The following TRPS1 variants were observed in gnomAD, a reference collection of about 807,000 sequenced individuals.
The protein encoded by TRPS1 is transcriptional repressor GATA binding 1, also known as zinc finger transcription factor Trps1.
TRPS1 carries 6 observed loss-of-function variants against 101.2 expected under a neutral mutation model. The ratio of observed to expected loss-of-function variants is 0.06; its 90% CI spans 0.03 to 0.12. TRPS1 has a LOEUF of 0.12. Among genes scored for constraint, TRPS1 ranks in the 10% least tolerant of loss-of-function variants. The pLI, the probability that TRPS1 is intolerant of heterozygous loss-of-function variation, is 1.00. For missense variants in TRPS1, 1,363 were observed against 1,567.0 expected (o/e 0.87, Z 2.20); for synonymous variants, 578 against 589.8 (o/e 0.98, Z 0.29).
intron 5 of TRPS1, among the ~76,000 whole-genome samples, chr8:115,442,671 G>A (rs747753627): frequency 1.3e-5 from 2 of 151,822 alleles, no homozygotes; most frequent in Non-Finnish European, 2.9e-5. Flanking sequence ...TTTAAAAATT[G>A]GGTGATTTGA....
intron 5 of TRPS1, among the ~76,000 whole-genome samples, chr8:115,539,418 C>A (rs1185631211): frequency 2.0e-5 from 3 of 152,116 alleles, no homozygotes; most frequent in African/African-American, 7.2e-5. Context: ...CATCCTCTAC[C>A]CAGTTCCTGA....
chr8:115,647,934 G>C (rs1226720561), intron 1 of TRPS1, among the ~76,000 whole-genome samples: 1 of 151,656 alleles, frequency 6.6e-6, no homozygotes, highest in Non-Finnish European at 1.5e-5. Context: ...CTTTTTGATA[G>C]CCAGAGATTT....
intron 5 of TRPS1, among the ~76,000 whole-genome samples, chr8:115,509,952 CA>C (rs1315578374): frequency 6.6e-6 from 1 of 151,978 alleles, no homozygotes; most frequent in Non-Finnish European, 1.5e-5. Context: ...GCCAATATTG[CA>C]GTAGGATTAA....
intron 4 of TRPS1, among the ~76,000 whole-genome samples, chr8:115,597,844 G>A (rs1430067874): frequency 2.6e-5 from 4 of 152,054 alleles, no homozygotes; most frequent in Non-Finnish European, 4.4e-5. Context: ...TCTTAAAATT[G>A]TATGAGATTA....
chr8:115,648,225 G>T (rs186768656), intron 1 of TRPS1, among the ~76,000 whole-genome samples: 1 of 152,164 alleles, frequency 6.6e-6, no homozygotes, highest in Non-Finnish European at 1.5e-5. Context: ...AGGGCAGAGG[G>T]AGTGGGAAGA....
chr8:115,573,907 C>A (rs1043892083), intron 5 of TRPS1, among the ~76,000 whole-genome samples: 4 of 152,158 alleles, frequency 2.6e-5, no homozygotes, highest in African/African-American at 9.7e-5. Context: ...TCCAGTCTTC[C>A]TTTCCGAAAC....
At chr8:115,485,689 A>C (rs1672503768) in intron 5 of TRPS1, among the ~76,000 whole-genome samples, 1 of 152,234 alleles carries the variant, frequency 6.6e-6, no homozygotes, top group African/African-American at 2.4e-5. Flanking sequence ...GTTTACTGAG[A>C]AGCTGAGGCG....
intron 5 of TRPS1, among the ~76,000 whole-genome samples, chr8:115,422,885 A>G (rs1027713859): frequency 6.6e-6 from 1 of 152,202 alleles, no homozygotes; most frequent in African/African-American, 2.4e-5. Context: ...TATGGGTCAT[A>G]TGGATAAGAT....
intron 5 of TRPS1, among the ~76,000 whole-genome samples, chr8:115,505,876 T>C (rs1815430361): frequency 1.3e-5 from 2 of 152,116 alleles, no homozygotes; most frequent in African/African-American, 4.8e-5. Context: ...TAAATGTGTA[T>C]GTTTAAGTGT....
chr8:115,584,821 A>G (rs1817529455), intron 5 of TRPS1, among the ~76,000 whole-genome samples: 1 of 152,110 alleles, frequency 6.6e-6, no homozygotes, highest in Non-Finnish European at 1.5e-5. Context: ...TGAAAATTTC[A>G]TATACAGCTA....
Position 115,508,640 on chromosome 8 carries a change from G to A in TRPS1, c.2700+78361C>T, listed in dbSNP as rs891709747. 4.6e-5 allele frequency among the ~76,000 whole-genome samples: 7 copies of A among 151,902 alleles called. No individual in the cohort carries two copies. The South Asian group carries it at 1.5e-3, about 32-fold the overall frequency. On this transcript the variant is annotated intron_variant, in intron 5 of 6. Transcript: ENST00000395715. ...CAGTTCTGCTTGAGGATAATCCAAA[G>A]GATGTCTGTTTTTCATCAGGTAACG...
At chr8:115,595,266 A>C (rs2130466371) in intron 4 of TRPS1, among the ~76,000 whole-genome samples, 1 of 152,096 alleles carries the variant, frequency 6.6e-6, no homozygotes, top group South Asian at 2.1e-4. Context: ...AAATGTCTAC[A>C]ATGAGTGGCA....
chr8:115,570,619 A>G (rs1007725630), intron 5 of TRPS1, among the ~76,000 whole-genome samples: 18 of 151,854 alleles, frequency 1.2e-4, no homozygotes, highest in Admixed American at 1.1e-3. Context: ...TCTTTGTTCT[A>G]CTGTGTCCCA....
chr8:115,648,517 G>T (rs1811481951), intron 1 of TRPS1, among the ~76,000 whole-genome samples: 3 of 152,192 alleles, frequency 2.0e-5, no homozygotes, highest in African/African-American at 7.2e-5. Flanking sequence ...CCTAGGCAGG[G>T]CCGCAGACAG....
intron 1 of TRPS1, among the ~76,000 whole-genome samples, chr8:115,659,285 C>A (rs1355585116): frequency 6.6e-6 from 1 of 151,842 alleles, no homozygotes; most frequent in African/African-American, 2.4e-5. Flanking sequence ...TCTAAAACTT[C>A]CCTAAGTTTG....
chr8:115,529,925 A>G (rs1287527732), intron 5 of TRPS1, among the ~76,000 whole-genome samples: 1 of 152,126 alleles, frequency 6.6e-6, no homozygotes, highest in East Asian at 1.9e-4. Flanking sequence ...TGCTTTGTGT[A>G]TAGGAGATCT....
At chr8:115,419,121 G>T (rs1017168330) in intron 5 of TRPS1, among the ~76,000 whole-genome samples, 1 of 152,062 alleles carries the variant, frequency 6.6e-6, no homozygotes, top group Non-Finnish European at 1.5e-5. Context: ...CCCTTCAATG[G>T]CTATTTATTT....
chr8:115,416,754 G>C (rs1184324752), intron 6 of TRPS1, among the ~76,000 whole-genome samples: 1 of 151,916 alleles, frequency 6.6e-6, no homozygotes, highest in Admixed American at 6.6e-5. Flanking sequence ...AGATAACACA[G>C]TTGTTATTGA....
At chr8:115,506,072 T>G (rs1343170035) in intron 5 of TRPS1, among the ~76,000 whole-genome samples, 1 of 152,098 alleles carries the variant, frequency 6.6e-6, no homozygotes, top group African/African-American at 2.4e-5. Flanking sequence ...ATATATTTAT[T>G]TGCAGTGAAA....
Sources: allele counts gnomAD v4.1 joint callset (sites outside exome capture counted in the v4.1 genomes callset), GRCh38; gene constraint gnomAD v4.1.1; transcripts MANE v1.5; gene names NCBI Gene and HGNC (gene_info 2026-07-23, HGNC 2026-07-21).